Variants in ANKRD44 observed in about 807,000 individuals in gnomAD.
ANKRD44 encodes the protein serine/threonine-protein phosphatase 6 regulatory ankyrin repeat subunit B.
ANKRD44 carries 35 observed loss-of-function variants against 116.0 expected under a neutral mutation model. The ratio of observed to expected loss-of-function variants is 0.30; its 90% CI spans 0.23 to 0.40. The LOEUF (loss-of-function observed/expected upper bound fraction) is 0.40, where lower values mean the gene tolerates loss of function less well. Ranked by LOEUF, ANKRD44 falls within the 10% of genes least tolerant of loss-of-function variation. The probability of loss-of-function intolerance (pLI) is 1.00; values close to 1 mark genes in which losing one functional copy is unlikely to be tolerated. For missense variants in ANKRD44, 1,014 were observed against 1,242.6 expected, an observed-to-expected ratio of 0.82 and a Z score of 2.77; for synonymous variants, 435 against 461.8, an observed-to-expected ratio of 0.94 and a Z score of 0.74.
intron 25 of ANKRD44, among the ~76,000 whole-genome samples, chr2:196,995,868 A>G (rs1436535592): frequency 6.6e-6 from 1 of 152,212 alleles, no homozygotes; most frequent in Non-Finnish European, 1.5e-5. Flanking sequence ...TACTACTTCA[A>G]TTATCCATTT....
At chr2:197,092,896 A>C (rs1574440768) in intron 10 of ANKRD44, among the ~76,000 whole-genome samples, 1 of 152,124 alleles carries the variant, frequency 6.6e-6, no homozygotes, top group East Asian at 1.9e-4. Context: ...TCCTTATAAA[A>C]TGGCACTTAA....
intron 1 of ANKRD44, among the ~76,000 whole-genome samples, chr2:197,265,501 C>T (rs2082719720): frequency 6.6e-6 from 1 of 152,136 alleles, no homozygotes; most frequent in South Asian, 2.1e-4. Context: ...CCTGTCTCAG[C>T]CTCCCAAAGT....
chr2:197,078,830 T>C lies in ANKRD44; in HGVS notation c.1539-16A>G. On this transcript the variant is annotated splice_polypyrimidine_tract_variant and intron_variant, in intron 15 of 27. Coordinates refer to ENST00000282272, the MANE Select transcript of ANKRD44 (RefSeq NM_001195144.2). ...CTCTAGACATCTGTAAGTATAAAGA[T>C]GAAGTGTTATTTTAGAAAACATCTC... 5 of 1,609,590 alleles carry C rather than the reference T, an allele frequency of 3.1e-6. No homozygotes were observed. The highest frequency in any genetic ancestry group is 1.1e-5 in the South Asian group (1 of 90,738).
intron 16 of ANKRD44, among the ~76,000 whole-genome samples, chr2:197,051,220 C>G (rs974949137): frequency 1.3e-5 from 2 of 152,114 alleles, no homozygotes; most frequent in African/African-American, 4.8e-5. Context: ...CTTGGCCTCC[C>G]AAAATGCTGG....
chr2:197,116,223 G>A (rs934815221), intron 8 of ANKRD44, among the ~76,000 whole-genome samples: 3 of 152,086 alleles, frequency 2.0e-5, no homozygotes, highest in Non-Finnish European at 4.4e-5. Flanking sequence ...TCTGGTATGG[G>A]GCACACTGAG....
chr2:197,149,983 T>C (rs2079601361), intron 2 of ANKRD44, among the ~76,000 whole-genome samples: 1 of 152,202 alleles, frequency 6.6e-6, no homozygotes, highest in African/African-American at 2.4e-5. Flanking sequence ...CCTTAGGGTG[T>C]CTAGAAGAAG....
intron 4 of ANKRD44, chr2:197,134,696 T>A (rs566807022): frequency 2.4e-4 from 37 of 152,200 alleles, no homozygotes; most frequent in African/African-American, 8.4e-4. Context: ...CGGTCTTAGT[T>A]TTTTTTTGTA....
At chr2:197,261,102 T>C (rs1172977397) in intron 1 of ANKRD44, among the ~76,000 whole-genome samples, 2 of 151,844 alleles carry the variant, frequency 1.3e-5, no homozygotes, top group Non-Finnish European at 2.9e-5. Context: ...TTTGTCAACT[T>C]TGGCTTTTGT....
At chr2:197,144,732 AC>A (rs2079453733) in intron 3 of ANKRD44, among the ~76,000 whole-genome samples, 1 of 152,202 alleles carries the variant, frequency 6.6e-6, no homozygotes. Context: ...TCCCAGCTCT[AC>A]TAAATCAGCC....
At chr2:197,271,829 T>C (rs2105781337) in intron 1 of ANKRD44, among the ~76,000 whole-genome samples, 1 of 152,286 alleles carries the variant, frequency 6.6e-6, no homozygotes. Context: ...CATGAACTCC[T>C]GGGCTCAAGC....
At chr2:197,086,632 C>T in intron 13 of ANKRD44, 48 bp downstream of exon 13, 1 of 1,566,328 alleles carries the variant, frequency 6.4e-7, no homozygotes, top group Non-Finnish European at 8.8e-7. Flanking sequence ...AGACCACTCC[C>T]AGTTCCTCTT....
chr2:197,120,930 T>G (rs1182485597), intron 8 of ANKRD44, among the ~76,000 whole-genome samples: 1 of 137,130 alleles, frequency 7.3e-6, no homozygotes, highest in Non-Finnish European at 1.5e-5. Flanking sequence ...ATAACACAAC[T>G]TTTTTTTTTT....
chr2:197,126,175 G>C (rs77359771), intron 4 of ANKRD44, 138 bp from the exon 5 acceptor site: 32,767 of 723,542 alleles, frequency 0.045, 890 homozygotes, highest in Middle Eastern at 0.061. Flanking sequence ...GACAAGCCAG[G>C]TAATATTTGG....
intron 15 of ANKRD44, among the ~76,000 whole-genome samples, chr2:197,079,682 T>G (rs964183964): frequency 6.6e-6 from 1 of 152,246 alleles, no homozygotes; most frequent in Non-Finnish European, 1.5e-5. Context: ...GGGACAAACA[T>G]GTCTTTTACA....
At chr2:197,219,711 A>G (rs1402263820) in intron 1 of ANKRD44, among the ~76,000 whole-genome samples, 1 of 152,224 alleles carries the variant, frequency 6.6e-6, no homozygotes, top group East Asian at 1.9e-4. Flanking sequence ...ATAATTCACC[A>G]GATGGATCAT....
At position 197,201,756 on chromosome 2, in the gene ANKRD44, C is replaced by T. The variant is rs573219010; in HGVS notation, c.28-14650G>A. Reference sequence around the variant, plus strand: ...ATACTGTGTGATGCTAAGGTTTGGGCTTCTAATGATCCCATCGCCCAAGTA... The same window carrying T: ...ATACTGTGTGATGCTAAGGTTTGGGTTTCTAATGATCCCATCGCCCAAGTA... On this transcript the variant is annotated intron_variant, in intron 1 of 27. Coordinates refer to ENST00000282272, the MANE Select transcript of ANKRD44 (RefSeq NM_001195144.2). The surrounding 1 kb of genome is among the most constrained non-coding windows in gnomAD (Gnocchi z 4.0). Among the ~76,000 whole-genome samples the T allele has an allele frequency of 2.6e-5, 4 of 152,280 alleles. No individual in the cohort carries two copies. Among genetic ancestry groups the T allele is most frequent in the African/African-American group, 4.8e-5 (2 of 41,554 alleles).
At chr2:197,077,863 C>T (rs1022400244) in intron 16 of ANKRD44, 3 of 152,100 alleles carry the variant, frequency 2.0e-5, no homozygotes, top group African/African-American at 7.2e-5. Context: ...GTAAATTACA[C>T]AGGGCAAATG....
At chr2:197,158,233 T>C (rs1055015911) in intron 2 of ANKRD44, among the ~76,000 whole-genome samples, 4 of 152,192 alleles carry the variant, frequency 2.6e-5, no homozygotes, top group Admixed American at 2.0e-4. Context: ...AAGTTCACAA[T>C]TGTTCTATGC....
chr2:197,251,354 T>C (rs1461157925), intron 1 of ANKRD44, among the ~76,000 whole-genome samples: 2 of 152,208 alleles, frequency 1.3e-5, no homozygotes, highest in Admixed American at 1.3e-4. Context: ...TTTTTTTCCT[T>C]TAGAATAAAT....
Sources: gnomAD v4.1 joint callset for allele counts (sites outside exome capture counted in the v4.1 genomes callset) on GRCh38, gnomAD v4.1.1 for gene constraint, Gnocchi (gnomAD v3.1) non-coding constraint, MANE v1.5 for transcripts, NCBI Gene and HGNC (gene_info 2026-07-23, HGNC 2026-07-21) for gene names.